ANKRD1: variants seen among roughly 807,000 people sequenced by gnomAD.
The protein encoded by ANKRD1 is ankyrin repeat domain-containing protein 1.
Under a neutral mutation model 40.1 loss-of-function variants are expected in ANKRD1, and 32 were observed. That is an observed-to-expected ratio of 0.80 (90% CI 0.60 to 1.07). The LOEUF (loss-of-function observed/expected upper bound fraction) is 1.07. ANKRD1 is among the 50% of genes least tolerant of loss of function. The pLI is 0.00. For missense variants in ANKRD1, 359 were observed against 386.0 expected (o/e 0.93, Z 0.59); for synonymous variants, 149 against 141.2 (o/e 1.06, Z -0.39).
In ANKRD1 at chr10:90,912,820, TC is replaced by T. The variant is rs1398181111; in HGVS notation, c.*45del. ...GTGTCTCTTCTCTTGGGCCATGCCT[TC>T]AAAATGCCAGTGAACATTTACTGAT... On this transcript the variant is annotated 3_prime_UTR_variant, in exon 9 of 9. Transcript: ENST00000371697. 10 of 1,562,264 alleles carry T rather than the reference TC, an allele frequency of 6.4e-6. No individual in the cohort carries two copies. The highest frequency in any genetic ancestry group is 8.8e-6 in the Non-Finnish European group (10 of 1,133,092).
intron 6 of ANKRD1, 28 bp from the exon 7 acceptor site, chr10:90,915,908 C>T (rs368784025): frequency 3.7e-6 from 6 of 1,606,206 alleles, no homozygotes; most frequent in African/African-American, 2.7e-5. Flanking sequence ...GCTGCTGATT[C>T]GCTAGGAATG....
At position 90,912,588 on chromosome 10, in the gene ANKRD1, T is replaced by C. The variant is rs1847327172; in HGVS notation, c.*278A>G. On this transcript the variant is annotated 3_prime_UTR_variant, in exon 9 of 9. Coordinates refer to ENST00000371697, the MANE Select transcript of ANKRD1 (RefSeq NM_014391.3). Reference sequence around the variant, plus strand: ...GTGGGAAGGCTCTGAAAGTGTTATATACAAATGAAGCTCTGCTCACCAGAT... The same window carrying C: ...GTGGGAAGGCTCTGAAAGTGTTATACACAAATGAAGCTCTGCTCACCAGAT... 2.5e-6 allele frequency: 1 copy of C among 392,230 alleles called. No homozygotes were observed. The highest frequency in any genetic ancestry group is 3.6e-5 in the Admixed American group (1 of 27,470). The allele number at this position is 392,230 out of a possible 1,614,324, so 24.3% of individuals were successfully genotyped here.
intron 4 of ANKRD1, among the ~76,000 whole-genome samples, chr10:90,918,540 A>G (rs1030580460): frequency 2.0e-5 from 3 of 151,966 alleles, no homozygotes; most frequent in African/African-American, 7.3e-5. Flanking sequence ...TTAATCAAAG[A>G]TGATGCTAAT....
rs773314113 is a variant in ANKRD1, at chr10:90,918,980, CAAAATA to C, written c.346-14_346-9del. 52 of 1,305,016 alleles carry C rather than the reference CAAAATA, an allele frequency of 4.0e-5. No homozygotes were observed. The African/African-American group carries it at 1.4e-3, about 36-fold the overall frequency. 80.8% of individuals were successfully genotyped at this position (1,305,016 alleles called of 1,614,324 possible). A position where few individuals can be genotyped will look rare whatever the true frequency, so the allele number is the denominator to read the frequency against. On this transcript the variant is annotated splice_polypyrimidine_tract_variant and intron_variant, in intron 3 of 8. Coordinates refer to ENST00000371697, the MANE Select transcript of ANKRD1 (RefSeq NM_014391.3). ...CACATCCACAGGTTCCGTCTAAAGC[CAAAATA>C]AATAAATATATATATATATATATAT... is the stretch of plus-strand genomic sequence containing the variant.
Position 90,919,294 on chromosome 10 carries a change from A to C in ANKRD1, c.208-26T>G, listed in dbSNP as rs746766946. The C allele has an allele frequency of 4.4e-6, 7 of 1,587,880 alleles. No homozygotes were observed. In the Admixed American group the frequency reaches 5.1e-5, roughly 11 times the overall value. Reference sequence around the variant, plus strand: ...CTAAAAAAGAAATTCGTATTTCAAAAATATGGTGAGTTCTACTGACAAGCA... The same window carrying C: ...CTAAAAAAGAAATTCGTATTTCAAACATATGGTGAGTTCTACTGACAAGCA... On this transcript the variant is annotated intron_variant, in intron 2 of 8. Coordinates refer to ENST00000371697, the MANE Select transcript of ANKRD1 (RefSeq NM_014391.3).
intron 5 of ANKRD1, among the ~76,000 whole-genome samples, 188 bp from the exon 6 acceptor site, chr10:90,916,457 T>G (rs1847375677): frequency 6.6e-6 from 1 of 152,184 alleles, no homozygotes; most frequent in South Asian, 2.1e-4. Context: ...TGTGCATATG[T>G]GTGTCTTATT....
At chr10:90,919,553 T>A (rs1437874070) in intron 2 of ANKRD1, among the ~76,000 whole-genome samples, 4 of 152,228 alleles carry the variant, frequency 2.6e-5, no homozygotes, top group Non-Finnish European at 5.9e-5. Flanking sequence ...GTGATGACTT[T>A]GTAATTAATG....
Position 90,912,852 on chromosome 10 carries a change from GTC to G in ANKRD1, c.*12_*13del. ...GCCAGTGAACATTTACTGATTAAGA[GTC>G]TGTCGTTTGCCTCAGAATGTAGCTA... On this transcript the variant is annotated 3_prime_UTR_variant, in exon 9 of 9. Coordinates refer to ENST00000371697, the MANE Select transcript of ANKRD1 (RefSeq NM_014391.3). 6.2e-7 allele frequency: 1 copy of G among 1,609,356 alleles called. No individual in the cohort carries two copies. The highest frequency in any genetic ancestry group is 8.5e-7 in the Non-Finnish European group (1 of 1,175,730).
intron 5 of ANKRD1, 71 bp downstream of exon 5, chr10:90,917,661 A>T: frequency 7.5e-7 from 1 of 1,341,566 alleles, no homozygotes; most frequent in Non-Finnish European, 1.1e-6. Context: ...TCGGTTTTGC[A>T]TTGGAGGTTT....
chr10:90,917,808 C>A lies in ANKRD1; in HGVS notation c.476G>T (p.Arg159Ile), dbSNP rs762360182. 1.9e-6 allele frequency: 3 copies of A among 1,613,916 alleles called. No homozygotes were observed. Among genetic ancestry groups the A allele is most frequent in the Non-Finnish European group, 2.5e-6 (3 of 1,179,884 alleles). Reference protein sequence around the residue: ...CDEYKRTALHRACLEGHLAIV... With the variant: ...CDEYKRTALHIACLEGHLAIV... ...TGCCAAATGTCCTTCCAAGCATGCT[C>A]TATGAAGAGCTGTCCGTTTATACTA... Residue 159 changes from arginine to isoleucine, a missense_variant, in exon 5 of 9, where the codon AGA becomes ATA. Transcript: ENST00000371697.
Position 90,915,827 on chromosome 10 carries a change from C to T in ANKRD1, c.705G>A (p.Ala235=), listed in dbSNP as rs746944442. The change falls in exon 7 of 9, where the codon GCG becomes GCA. Residue 235 remains alanine (A), a synonymous_variant. Transcript: ENST00000371697. ...CTGCCTCACAGGCGATAAGATGCTC[C>T]GCGCACTCATAGTGGCCAGTCCTCA... ...VAVRTGHYEC[A]EHLIACEADL... is the part of the protein sequence containing the mutation. 1.4e-5 allele frequency: 23 copies of T among 1,613,554 alleles called. No homozygotes were observed. Among genetic ancestry groups the T allele is most frequent in the Non-Finnish European group, 3.4e-6 (4 of 1,179,956 alleles).
intron 2 of ANKRD1, 144 bp from the exon 3 acceptor site, chr10:90,919,412 G>T: frequency 2.9e-6 from 2 of 688,394 alleles, no homozygotes; most frequent in Non-Finnish European, 4.6e-6. Flanking sequence ...ATAAATCTTT[G>T]ACTTCATTTT....
In ANKRD1 at chr10:90,915,792, G is replaced by T; in HGVS notation, c.740C>A (p.Ala247Asp). ...HLIACEADLN[A>D]KDREGDTPLH... Reference sequence around the variant, plus strand: ...TGTCCAGCTACTCACTCTGTCTTTGGCGTTGAGGTCTGCCTCACAGGCGAT... The same window carrying T: ...TGTCCAGCTACTCACTCTGTCTTTGTCGTTGAGGTCTGCCTCACAGGCGAT... The change falls in exon 7 of 9, where the codon GCC (alanine) becomes GAC (aspartate). Residue 247 changes from alanine to aspartate, a missense_variant. Ala to Asp is a moderately radical substitution (Grantham distance 126, BLOSUM62 -2). Transcript: ENST00000371697. 5.6e-6 allele frequency: 9 copies of T among 1,613,810 alleles called. No homozygotes were observed. Among genetic ancestry groups the T allele is most frequent in the Non-Finnish European group, 7.6e-6 (9 of 1,179,988 alleles).
rs1179427115 is a variant in ANKRD1, at chr10:90,912,153, T to C, written c.*713A>G. The C allele has an allele frequency of 1.3e-5, 2 of 152,046 alleles. No individual in the cohort carries two copies. The highest frequency in any genetic ancestry group is 4.8e-5 in the African/African-American group (2 of 41,348). 9.4% of individuals were successfully genotyped at this position (152,046 alleles called of 1,614,324 possible). ...AAATGTACATACAATACAATATACA[T>C]TTATACATTTACAGTTTGCATTTCC... On this transcript the variant is annotated 3_prime_UTR_variant, in exon 9 of 9. Transcript: ENST00000371697.
At position 90,918,852 on chromosome 10, in the gene ANKRD1, G is replaced by T. The variant is rs1295040648; in HGVS notation, c.453+13C>A. The T allele has an allele frequency of 1.3e-6, 2 of 1,576,810 alleles. No individual in the cohort carries two copies. Among genetic ancestry groups the T allele is most frequent in the Non-Finnish European group, 8.7e-7 (1 of 1,149,198 alleles). On this transcript the variant is annotated intron_variant, in intron 4 of 8. Coordinates refer to ENST00000371697, the MANE Select transcript of ANKRD1 (RefSeq NM_014391.3). ...AATGAGCTGGATTTTGCAGTGCTTT[G>T]CATGAGTCTTACCTCATCACAAACA...
At position 90,912,250 on chromosome 10, in the gene ANKRD1, A is replaced by G. The variant is rs1847321351; in HGVS notation, c.*616T>C. On this transcript the variant is annotated 3_prime_UTR_variant, in exon 9 of 9. Coordinates refer to ENST00000371697, the MANE Select transcript of ANKRD1 (RefSeq NM_014391.3). The stretch of plus-strand genomic sequence containing the variant: ...GCTCCTTCCACTGATTTGCACTTAC[A>G]CTCATGACGTTCTCTTCACTTGGGT... 1 of 137,812 alleles carries G rather than the reference A, an allele frequency of 7.3e-6. No individual in the cohort carries two copies. Among genetic ancestry groups the G allele is most frequent in the Admixed American group, 8.2e-5 (1 of 12,148 alleles). The allele number at this position is 137,812 out of a possible 1,614,324, so 8.5% of individuals were successfully genotyped here.
rs769199158 is a variant in ANKRD1 at position 90,916,130 on chromosome 10, G to A, written c.651+41C>T. The A allele has an allele frequency of 4.5e-6, 6 of 1,326,362 alleles. No individual in the cohort carries two copies. The African/African-American group carries it at 7.9e-5, about 17-fold the overall frequency. The allele number at this position is 1,326,362 out of a possible 1,614,324, so 82.2% of individuals were successfully genotyped here. A position where few individuals can be genotyped will look rare whatever the true frequency, so the allele number is the denominator to read the frequency against. On this transcript the variant is annotated intron_variant, in intron 6 of 8. Coordinates refer to ENST00000371697, the MANE Select transcript of ANKRD1 (RefSeq NM_014391.3). ...GTGGAGAAGGATGGGGGACAGGGAGGGGGAGGGGGTGAATGAAGGGAGAAG... is the reference window on the plus strand; with the variant it reads ...GTGGAGAAGGATGGGGGACAGGGAGAGGGAGGGGGTGAATGAAGGGAGAAG...
chr10:90,920,094 T>C, intron 2 of ANKRD1, 75 bp downstream of exon 2: 1 of 1,593,698 alleles, frequency 6.3e-7, no homozygotes, highest in Non-Finnish European at 8.6e-7. Context: ...TGTTTCTCTC[T>C]TCTCCTTCCC....
Position 90,912,750 on chromosome 10 carries a change from C to T in ANKRD1, c.*116G>A. ...TGCTTTCTCAAAACTTCATTAGGTA[C>T]ATCTTCACAACACGTTGATAAATAG... On this transcript the variant is annotated 3_prime_UTR_variant, in exon 9 of 9. Transcript: ENST00000371697. 2.0e-6 allele frequency: 2 copies of T among 986,430 alleles called. No individual in the cohort carries two copies. The highest frequency in any genetic ancestry group is 3.3e-6 in the Non-Finnish European group (2 of 613,166). 61.1% of individuals were successfully genotyped at this position (986,430 alleles called of 1,614,324 possible). A position where few individuals can be genotyped will look rare whatever the true frequency, so the allele number is the denominator to read the frequency against.
Sources: allele counts gnomAD v4.1 joint callset (sites outside exome capture counted in the v4.1 genomes callset), GRCh38; gene constraint gnomAD v4.1.1; transcripts MANE v1.5; gene names NCBI Gene and HGNC (gene_info 2026-07-23, HGNC 2026-07-21).